The following UNC5C variants were observed in gnomAD, a reference collection of about 807,000 sequenced individuals.
UNC5C encodes unc-5 netrin receptor C.
UNC5C carries 47 observed loss-of-function variants against 99.8 expected under a neutral mutation model. The observed-to-expected ratio is 0.47, with a 90% CI of 0.37 to 0.60. UNC5C has a LOEUF of 0.60. UNC5C is among the 20% of genes least tolerant of loss of function. UNC5C has a pLI of 0.00. For missense variants in UNC5C, 1,062 were observed against 1,165.9 expected (o/e 0.91, Z 1.30); for synonymous variants, 487 against 452.2 (o/e 1.08, Z -0.98).
chr4:95,520,818 T>A (rs1279235713), intron 1 of UNC5C, among the ~76,000 whole-genome samples: 1 of 152,010 alleles, frequency 6.6e-6, no homozygotes, highest in Non-Finnish European at 1.5e-5. Flanking sequence ...GCCAAGATGG[T>A]CTCGGTCTCC....
At chr4:95,220,214 A>G (rs372942628) in intron 7 of UNC5C, 38 bp from the exon 8 acceptor site, 8 of 1,579,002 alleles carry the variant, frequency 5.1e-6, no homozygotes, top group African/African-American at 1.4e-5. Context: ...AGCTGCTTAT[A>G]GAAATTTCCC....
At chr4:95,487,458 A>G (rs1003245258) in intron 1 of UNC5C, among the ~76,000 whole-genome samples, 3 of 151,540 alleles carry the variant, frequency 2.0e-5, no homozygotes, top group African/African-American at 7.3e-5. Flanking sequence ...ATAAACATTA[A>G]CTCTATGGTA....
chr4:95,458,180 T>C (rs965377706), intron 1 of UNC5C, among the ~76,000 whole-genome samples: 1 of 152,078 alleles, frequency 6.6e-6, no homozygotes, highest in African/African-American at 2.4e-5. Flanking sequence ...TTTTTAGGCG[T>C]TTAGAAGTTT....
chr4:95,403,591 G>A (rs1745757434), intron 1 of UNC5C, among the ~76,000 whole-genome samples: 1 of 152,088 alleles, frequency 6.6e-6, no homozygotes, highest in South Asian at 2.1e-4. Context: ...CTTTATTATT[G>A]AAATAAAATA....
chr4:95,521,506 C>T (rs1722357572), intron 1 of UNC5C, among the ~76,000 whole-genome samples: 1 of 152,092 alleles, frequency 6.6e-6, no homozygotes, highest in Non-Finnish European at 1.5e-5. Context: ...GCATGAGCCT[C>T]CACGCCTGGC....
intron 1 of UNC5C, among the ~76,000 whole-genome samples, chr4:95,398,495 A>C (rs370014930): frequency 6.6e-6 from 1 of 152,194 alleles, no homozygotes; most frequent in Non-Finnish European, 1.5e-5. Context: ...GGTAATAAGG[A>C]AAGTTCTACT....
chr4:95,474,721 A>C (rs1269565915), intron 1 of UNC5C, among the ~76,000 whole-genome samples: 1 of 152,162 alleles, frequency 6.6e-6, no homozygotes, highest in Non-Finnish European at 1.5e-5. Flanking sequence ...GAATAATAAA[A>C]ACTTAGACAT....
chr4:95,302,821 A>G (rs1488318899), intron 2 of UNC5C, among the ~76,000 whole-genome samples: 3 of 152,262 alleles, frequency 2.0e-5, no homozygotes, highest in African/African-American at 7.2e-5. Flanking sequence ...TTGTGAAAGT[A>G]ATCAGTAAGA....
intron 1 of UNC5C, among the ~76,000 whole-genome samples, chr4:95,545,077 T>A (rs969140509): frequency 2.0e-5 from 3 of 152,228 alleles, no homozygotes; most frequent in Non-Finnish European, 2.9e-5. Context: ...GCAGAGCTCA[T>A]GCCTTGTTCA....
chr4:95,332,479 C>T (rs1743154807), intron 2 of UNC5C, among the ~76,000 whole-genome samples: 1 of 150,212 alleles, frequency 6.7e-6, no homozygotes, highest in African/African-American at 2.4e-5. Context: ...GAAAGGATTC[C>T]CTATTTAATA....
At chr4:95,342,644 G>C (rs188890596) in intron 1 of UNC5C, among the ~76,000 whole-genome samples, 1 of 151,806 alleles carries the variant, frequency 6.6e-6, no homozygotes, top group East Asian at 2.0e-4. Flanking sequence ...GAGAAAAAGG[G>C]AGGGAAGAGT....
rs201546469 is a variant in UNC5C at position 95,548,898 on chromosome 4, G to C, written c.-41C>G. On this transcript the variant is annotated 5_prime_UTR_variant, in exon 1 of 16. Coordinates refer to ENST00000453304, the MANE Select transcript of UNC5C (RefSeq NM_003728.4). Reference sequence around the variant, plus strand: ...GCCGGGGGGAGGGGAGGGGGACAGAGAGACGCGCAAACAGCTGAAAGCCCC... The same window carrying C: ...GCCGGGGGGAGGGGAGGGGGACAGACAGACGCGCAAACAGCTGAAAGCCCC... 2.1e-4 allele frequency: 342 copies of C among 1,609,100 alleles called. 2 individuals carry two copies. The African/African-American group carries it at 3.9e-3, about 19-fold the overall frequency.
At chr4:95,369,687 G>A (rs1323351216) in intron 1 of UNC5C, among the ~76,000 whole-genome samples, 1 of 152,074 alleles carries the variant, frequency 6.6e-6, no homozygotes, top group Non-Finnish European at 1.5e-5. Flanking sequence ...AGTCACATTA[G>A]CAATACCATT....
At chr4:95,236,521 A>T (rs1579255549) in intron 7 of UNC5C, among the ~76,000 whole-genome samples, 1 of 152,084 alleles carries the variant, frequency 6.6e-6, no homozygotes, top group Admixed American at 6.6e-5. Flanking sequence ...AACGTGGCAC[A>T]TGTATACATG....
At position 95,242,459 on chromosome 4, in the gene UNC5C, T is replaced by C; in HGVS notation, c.1078A>G (p.Lys360Glu). ...KDCDGLVLQS[K>E]NCTDGLCMQT... is the part of the protein sequence containing the mutation. ...ATGCAAAGCCCATCAGTGCAGTTCT[T>C]GGATTGCAAGACGAGGCCGTCGCAG... The change falls in exon 7 of 16, where the codon AAG becomes GAG. Residue 360 changes from lysine (K) to glutamate (E), a missense_variant. Around this residue, in one of 3 missense-constraint regions of UNC5C, gnomAD observed 810 missense variants for 854.5 expected, o/e 0.95. Transcript: ENST00000453304. 1 of 1,614,196 alleles carries C rather than the reference T, an allele frequency of 6.2e-7. No homozygotes were observed.
At chr4:95,180,964 C>CT (rs1435084256) in intron 14 of UNC5C, among the ~76,000 whole-genome samples, 2 of 152,136 alleles carry the variant, frequency 1.3e-5, no homozygotes, top group Admixed American at 6.5e-5. Flanking sequence ...TCCCATAACT[C>CT]TACAGAGTCC....
chr4:95,216,635 G>A (rs369376534), intron 9 of UNC5C, among the ~76,000 whole-genome samples: 262 of 151,550 alleles, frequency 1.7e-3, no homozygotes, highest in African/African-American at 6.0e-3. Flanking sequence ...TTAAATATCC[G>A]GTTAGCATCA....
rs1028495725 is a variant in UNC5C at position 95,167,978 on chromosome 4, T to G, written c.*1256A>C. 1 of 152,164 alleles carries G rather than the reference T, an allele frequency of 6.6e-6. No homozygotes were observed. 9.4% of individuals were successfully genotyped at this position (152,164 alleles called of 1,614,324 possible). On this transcript the variant is annotated 3_prime_UTR_variant, in exon 16 of 16. Transcript: ENST00000453304. ...GAGGTCGTGTGGTTAAATGACTTTC[T>G]CAAGGTGGCGCAACAAGACAGTGAC...
At chr4:95,448,244 G>GAGAC in intron 1 of UNC5C, among the ~76,000 whole-genome samples, 1 of 150,950 alleles carries the variant, frequency 6.6e-6, no homozygotes. Context: ...GAGAGAGAGA[G>GAGAC]AGAGAGAGAG....
Sources: gnomAD v4.1 joint callset for allele counts (sites outside exome capture counted in the v4.1 genomes callset) on GRCh38, gnomAD v4.1.1 for gene constraint, gnomAD v4.1.1 regional missense constraint, MANE v1.5 for transcripts, NCBI Gene and HGNC (gene_info 2026-07-23, HGNC 2026-07-21) for gene names.